Variants in CDC42BPB observed in about 807,000 individuals in gnomAD.
The protein encoded by CDC42BPB is serine/threonine-protein kinase MRCK beta.
A neutral mutation model predicts 214.9 loss-of-function variants in CDC42BPB; 37 were observed. That is an observed-to-expected ratio of 0.17 (90% CI 0.13 to 0.23). The LOEUF (loss-of-function observed/expected upper bound fraction) is 0.23, where lower values mean the gene tolerates loss of function less well. Ranked by LOEUF, CDC42BPB falls within the 10% of genes least tolerant of loss-of-function variation. The pLI, the probability that CDC42BPB is intolerant of heterozygous loss-of-function variation, is 1.00. For missense variants in CDC42BPB, 1,694 were observed against 2,227.0 expected (o/e 0.76, Z 4.82); for synonymous variants, 931 against 884.0 (o/e 1.05, Z -0.94).
intron 1 of CDC42BPB, among the ~76,000 whole-genome samples, chr14:103,053,562 C>A (rs889078307): frequency 2.6e-5 from 4 of 151,612 alleles, no homozygotes; most frequent in Non-Finnish European, 5.9e-5. Flanking sequence ...GAGATCGAGA[C>A]CATCCTGGCT....
intron 2 of CDC42BPB, among the ~76,000 whole-genome samples, chr14:103,011,152 G>C (rs1038693596): frequency 6.6e-6 from 1 of 152,180 alleles, no homozygotes; most frequent in Admixed American, 6.5e-5. Flanking sequence ...TGTTCTGCAA[G>C]GCCGAGGCAG....
chr14:102,957,024 C>CAAAAAAAAAAA (rs1183767118), intron 21 of CDC42BPB, among the ~76,000 whole-genome samples: 1 of 48,190 alleles, frequency 2.1e-5, no homozygotes, highest in Non-Finnish European at 4.0e-5. Flanking sequence ...ACTAAAAATA[C>CAAAAAAAAAAA]AAAAAAAAAA....
At position 103,004,216 on chromosome 14, in the gene CDC42BPB, G is replaced by A. The variant is rs577966121; in HGVS notation, c.352-193C>T. 24 of 1,319,726 alleles carry A rather than the reference G, an allele frequency of 1.8e-5. No individual in the cohort carries two copies. The highest frequency in any genetic ancestry group is 2.2e-5 in the Non-Finnish European group (23 of 1,030,942). 81.8% of individuals were successfully genotyped at this position (1,319,726 alleles called of 1,614,324 possible). On this transcript the variant is annotated intron_variant, in intron 3 of 36. Transcript: ENST00000361246. The surrounding 1 kb of genome is among the most constrained non-coding windows in gnomAD (Gnocchi z 5.3). ...CATCCCTTCCTCTCCCAAGCCCCGT[G>A]CAAGTGCCAAGGGCTGCTGAGGAGG...
intron 29 of CDC42BPB, 93 bp downstream of exon 29, chr14:102,945,569 G>T: frequency 8.4e-7 from 1 of 1,184,808 alleles, no homozygotes; most frequent in Non-Finnish European, 1.2e-6. Context: ...AAGCGCATTT[G>T]TCTTAACCCT....
chr14:102,964,445 G>A (rs755973126), intron 19 of CDC42BPB, 57 bp downstream of exon 19: 3 of 1,593,200 alleles, frequency 1.9e-6, no homozygotes, highest in Non-Finnish European at 1.7e-6. Flanking sequence ...GCTCAGGGCG[G>A]GCTCGAGGCC....
chr14:103,057,479 C>G lies in CDC42BPB; in HGVS notation c.-306G>C, dbSNP rs915028378. On this transcript the variant is annotated 5_prime_UTR_variant, in exon 1 of 37. Transcript: ENST00000361246. The stretch of plus-strand genomic sequence containing the variant: ...GCCCCGCCCGCGGCCGCGCCCTCCC[C>G]GCCGCCGCCGCCGCAGACTAGGAGC... The G allele has an allele frequency of 6.3e-5, 12 of 191,542 alleles. No homozygotes were observed. Among genetic ancestry groups the G allele is most frequent in the African/African-American group, 1.4e-4 (6 of 41,594 alleles). The allele number at this position is 191,542 out of a possible 1,614,324, so 11.9% of individuals were successfully genotyped here.
In CDC42BPB at chr14:103,041,613, C is replaced by T. The variant is rs368385793; in HGVS notation, c.175+15386G>A. 552 of 787,774 alleles carry T rather than the reference C, an allele frequency of 7.0e-4. 5 individuals are homozygous for T. The South Asian group carries it at 7.6e-3, about 11-fold the overall frequency. The allele number at this position is 787,774 out of a possible 1,614,324, so 48.8% of individuals were successfully genotyped here. A position where few individuals can be genotyped will look rare whatever the true frequency, so the allele number is the denominator to read the frequency against. ...AAGTGCCCCACATTGCCCTGCACACCGCGTTGGGACCCATCCGGCCCATCG... is the reference window on the plus strand; with the variant it reads ...AAGTGCCCCACATTGCCCTGCACACTGCGTTGGGACCCATCCGGCCCATCG... On this transcript the variant is annotated intron_variant, in intron 1 of 36. Transcript: ENST00000361246.
chr14:102,939,398 G>A (rs758031772), intron 34 of CDC42BPB, among the ~76,000 whole-genome samples: 31 of 152,232 alleles, frequency 2.0e-4, no homozygotes, highest in Non-Finnish European at 2.9e-4. Flanking sequence ...TGCCCAGGGC[G>A]GCCCGAGGCC....
At chr14:102,951,389 C>A (rs1892483453) in intron 24 of CDC42BPB, among the ~76,000 whole-genome samples, 1 of 152,250 alleles carries the variant, frequency 6.6e-6, no homozygotes, top group South Asian at 2.1e-4. Flanking sequence ...CCTCCCACAG[C>A]ACTGGGTGGC....
rs545126409 is a variant in CDC42BPB, at chr14:102,935,039, A to G, written c.5005-1196T>C. 4.6e-5 allele frequency among the ~76,000 whole-genome samples: 7 copies of G among 152,086 alleles called. No homozygotes were observed. In the East Asian group the frequency reaches 1.2e-3, roughly 25 times the overall value. ...AAAAAAAAAAAAAAAAGAAAAAAAGAAAAAAGATCAGCAACAAGGCAAGGA... is the reference window on the plus strand; with the variant it reads ...AAAAAAAAAAAAAAAAGAAAAAAAGGAAAAAGATCAGCAACAAGGCAAGGA... On this transcript the variant is annotated intron_variant, in intron 36 of 36. Coordinates refer to ENST00000361246, the MANE Select transcript of CDC42BPB (RefSeq NM_006035.4).
At chr14:102,998,246 A>G (rs529439172) in intron 5 of CDC42BPB, among the ~76,000 whole-genome samples, 20 of 152,360 alleles carry the variant, frequency 1.3e-4, no homozygotes, top group African/African-American at 4.8e-4. Flanking sequence ...AAGAGTTAAA[A>G]TTTCAATTTC....
rs140630694 is a variant in CDC42BPB at position 102,982,804 on chromosome 14, G to A, written c.891+752C>T. Among the ~76,000 whole-genome samples the A allele has an allele frequency of 4.8e-3, 732 of 151,922 alleles. 4 individuals carry two copies. The highest frequency in any genetic ancestry group is 8.1e-3 in the Non-Finnish European group (550 of 67,928). On this transcript the variant is annotated intron_variant, in intron 7 of 36. Transcript: ENST00000361246. ...ACAGGCAGGAGAATCGCTTGAACTC[G>A]GGAGGCAGAGGTTGCAGTGAGCCGA...
At chr14:103,032,937 A>T (rs1887474869) in intron 1 of CDC42BPB, among the ~76,000 whole-genome samples, 2 of 151,884 alleles carry the variant, frequency 1.3e-5, no homozygotes, top group South Asian at 2.1e-4. Flanking sequence ...TTTTTTTAAA[A>T]AAAAAAAAAA....
intron 6 of CDC42BPB, among the ~76,000 whole-genome samples, chr14:102,984,808 A>G (rs889701937): frequency 6.6e-6 from 1 of 152,170 alleles, no homozygotes; most frequent in Non-Finnish European, 1.5e-5. Context: ...CACAGGGTCC[A>G]AGCAGCACCC....
chr14:102,948,168 T>C (rs1232449568), intron 26 of CDC42BPB, among the ~76,000 whole-genome samples: 1 of 1,444 alleles, frequency 6.9e-4, no homozygotes, highest in Non-Finnish European at 1.4e-3. Context: ...GAGGGGGGAG[T>C]GGGAGGGAGT....
Position 102,944,725 on chromosome 14 carries a change from C to A in CDC42BPB, c.3812-238G>T, listed in dbSNP as rs747685993. ...CGCGCTCCTGGGGCAGCCTCGGGGG[C>A]TGGTCCAAAGGCTCCTCTGCCTCTG... On this transcript the variant is annotated intron_variant, in intron 29 of 36. Transcript: ENST00000361246. This position sits in a 1 kb window ranked among gnomAD's most constrained non-coding sequence, Gnocchi z 6.6. 50 of 956,756 alleles carry A rather than the reference C, an allele frequency of 5.2e-5. No individual in the cohort carries two copies. Among genetic ancestry groups the A allele is most frequent in the Admixed American group, 6.2e-5 (1 of 16,252 alleles). The allele number at this position is 956,756 out of a possible 1,614,324, so 59.3% of individuals were successfully genotyped here.
At chr14:103,027,298 C>CCGT (rs1426936915) in intron 1 of CDC42BPB, among the ~76,000 whole-genome samples, 1 of 152,142 alleles carries the variant, frequency 6.6e-6, no homozygotes, top group Non-Finnish European at 1.5e-5. Context: ...ACTACATGAC[C>CCGT]CGTCATTCCA....
chr14:102,997,371 AC>A (rs1181897240), intron 5 of CDC42BPB, among the ~76,000 whole-genome samples: 2 of 150,952 alleles, frequency 1.3e-5, no homozygotes, highest in African/African-American at 4.9e-5. Context: ...TCTCTCATAT[AC>A]CCCCCTTCCA....
rs762561067 is a variant in CDC42BPB, at chr14:102,954,149, A to G, written c.3066+49T>C. ...TTTTCTAAATAACTGAGAATAAATAAACAACTAAATAACTAAGAAGGCGCC... is the reference window on the plus strand; with the variant it reads ...TTTTCTAAATAACTGAGAATAAATAGACAACTAAATAACTAAGAAGGCGCC... On this transcript the variant is annotated intron_variant, in intron 23 of 36. Transcript: ENST00000361246. 3.4e-6 allele frequency: 4 copies of G among 1,190,496 alleles called. No homozygotes were observed. In the South Asian group the frequency reaches 5.3e-5, roughly 16 times the overall value. The allele number at this position is 1,190,496 out of a possible 1,614,324, so 73.7% of individuals were successfully genotyped here.
Sources: allele counts gnomAD v4.1 joint callset (sites outside exome capture counted in the v4.1 genomes callset), GRCh38; gene constraint gnomAD v4.1.1; non-coding constraint Gnocchi (gnomAD v3.1); transcripts MANE v1.5; gene names NCBI Gene and HGNC (gene_info 2026-07-23, HGNC 2026-07-21).